SZT2: variants seen among roughly 807,000 people sequenced by gnomAD.
SZT2 encodes KICSTOR complex protein SZT2.
Under a neutral mutation model 404.2 loss-of-function variants are expected in SZT2, and 216 were observed. The observed-to-expected ratio is 0.53, with a 90% confidence interval of 0.48 to 0.60. The LOEUF (loss-of-function observed/expected upper bound fraction) is 0.60. Among genes scored for constraint, SZT2 ranks in the 20% least tolerant of loss-of-function variants. SZT2 has a pLI of 0.00. For synonymous variants in SZT2, 1,693 were observed against 1,749.9 expected (o/e 0.97, Z 0.81); for missense variants, 3,857 against 4,459.2 (o/e 0.86, Z 3.85).
Position 43,452,828 on chromosome 1 carries a change from CATCATCCCCTG to C in SZT2, c.*2352_*2362del. 1 of 1,471,900 alleles carries C rather than the reference CATCATCCCCTG, an allele frequency of 6.8e-7. No homozygotes were observed. Among genetic ancestry groups the C allele is most frequent in the Non-Finnish European group, 9.3e-7 (1 of 1,076,012 alleles). The allele number at this position is 1,471,900 out of a possible 1,614,324, so 91.2% of individuals were successfully genotyped here. On this transcript the variant is annotated 3_prime_UTR_variant, in exon 72 of 72. Coordinates refer to ENST00000634258, the MANE Select transcript of SZT2 (RefSeq NM_001365999.1). Reference sequence around the variant, plus strand: ...CCACTTTGAGCCGTCCACCTCCTCCCATCATCCCCTGATCTTAGCCACATCCAGCTCCAAGC... The same window carrying C: ...CCACTTTGAGCCGTCCACCTCCTCCCATCTTAGCCACATCCAGCTCCAAGC...
Position 43,437,548 on chromosome 1 carries a change from G to A in SZT2, c.6290+40G>A. 1 of 1,613,996 alleles carries A rather than the reference G, an allele frequency of 6.2e-7. No homozygotes were observed. The highest frequency in any genetic ancestry group is 1.1e-5 in the South Asian group (1 of 91,070). ...GAAGGTGGGTAGGGCATGAATTAAG[G>A]ATGGCCTGGGAGGAGGCATGTCCAA... On this transcript the variant is annotated intron_variant, in intron 44 of 71. Transcript: ENST00000634258. The surrounding 1 kb of genome is among the most constrained non-coding windows in gnomAD (Gnocchi z 5.3).
At position 43,448,732 on chromosome 1, in the gene SZT2, A is replaced by G. The variant is rs1656003925; in HGVS notation, c.10086+4A>G. The G allele has an allele frequency of 6.2e-7, 1 of 1,612,662 alleles. No individual in the cohort carries two copies. Among genetic ancestry groups the G allele is most frequent in the Non-Finnish European group, 8.5e-7 (1 of 1,178,668 alleles). ...AGACTTGGGAACTCAGTACCTGGTA[A>G]GTCCCCTTGAGCTTCCTCTGAAAAG... On this transcript the variant is annotated splice_donor_region_variant and intron_variant, in intron 70 of 71. Coordinates refer to ENST00000634258, the MANE Select transcript of SZT2 (RefSeq NM_001365999.1). This position sits in a 1 kb window ranked among gnomAD's most constrained non-coding sequence, Gnocchi z 4.2.
chr1:43,442,863 C>T lies in SZT2; in HGVS notation c.8196C>T (p.Leu2732=). The change falls in exon 59 of 72, where the codon CTC becomes CTT. Residue 2732 remains leucine (L), a synonymous_variant. Transcript: ENST00000634258. This position sits in a 1 kb window ranked among gnomAD's most constrained non-coding sequence, Gnocchi z 4.5. Reference sequence around the variant, plus strand: ...TGCCGACCATGGAAGTGGAGACCCTCATCCGGAGTGCAAGTCCCCCGCTGA... The same window carrying T: ...TGCCGACCATGGAAGTGGAGACCCTTATCCGGAGTGCAAGTCCCCCGCTGA... ...FLLPTMEVET[L]IRSASPPLSR... 1.9e-6 allele frequency: 3 copies of T among 1,612,756 alleles called. No homozygotes were observed. The highest frequency in any genetic ancestry group is 2.5e-6 in the Non-Finnish European group (3 of 1,179,294).
chr1:43,423,591 G>A (rs1251048790), intron 15 of SZT2, among the ~76,000 whole-genome samples: 2 of 150,900 alleles, frequency 1.3e-5, no homozygotes, highest in Admixed American at 1.3e-4. Context: ...GGCTTAGCGG[G>A]GTATGAGTGG....
intron 1 of SZT2, 87 bp downstream of exon 1, chr1:43,390,082 C>T: frequency 2.2e-6 from 3 of 1,335,662 alleles, no homozygotes; most frequent in Non-Finnish European, 2.9e-6. Flanking sequence ...TCCTCTAGGT[C>T]TGGGGGTGGC....
At position 43,424,340 on chromosome 1, in the gene SZT2, C is replaced by CTA; in HGVS notation, c.2380_2381dup (p.His795ThrfsTer137). On this transcript the variant is annotated frameshift_variant, in exon 16 of 72. Coordinates refer to ENST00000634258, the MANE Select transcript of SZT2 (RefSeq NM_001365999.1). LOFTEE classifies it high-confidence loss of function. This position sits in a 1 kb window ranked among gnomAD's most constrained non-coding sequence, Gnocchi z 4.1. ...GCCTGGCGTCACTGTCCCGCTACCTCTACCATCAGCGCTGGCTTTGGAGTG... is the reference window on the plus strand; with the variant it reads ...GCCTGGCGTCACTGTCCCGCTACCTCTATACCATCAGCGCTGGCTTTGGAGTG... 1 of 1,598,124 alleles carries CTA rather than the reference C, an allele frequency of 6.3e-7. No homozygotes were observed. The highest frequency in any genetic ancestry group is 1.1e-5 in the South Asian group (1 of 91,088).
In SZT2 at chr1:43,448,215, G is replaced by A. The variant is rs1276748561; in HGVS notation, c.9700G>A (p.Glu3234Lys). ...TGGGAGTTCAGCTGGCAGCCCTGGGGAGGCCTCAGGGCTTATTCTAGCGCC... is the reference window on the plus strand; with the variant it reads ...TGGGAGTTCAGCTGGCAGCCCTGGGAAGGCCTCAGGGCTTATTCTAGCGCC... The part of the protein sequence containing the change: ...APGSSAGSPG[E>K]ASGLILAPGP... The change falls in exon 69 of 72, where the codon GAG (glutamate) becomes AAG (lysine). Residue 3234 changes from glutamate (E) to lysine (K), a missense_variant. Glu to Lys is a moderately conservative substitution (Grantham distance 56, BLOSUM62 1). Transcript: ENST00000634258. This position sits in a 1 kb window ranked among gnomAD's most constrained non-coding sequence, Gnocchi z 4.2. The A allele has an allele frequency of 6.2e-7, 1 of 1,608,162 alleles. No individual in the cohort carries two copies. Among genetic ancestry groups the A allele is most frequent in the Non-Finnish European group, 8.5e-7 (1 of 1,177,368 alleles).
chr1:43,403,889 G>A, intron 3 of SZT2, 115 bp downstream of exon 3: 1 of 1,168,354 alleles, frequency 8.6e-7, no homozygotes, highest in Non-Finnish European at 1.2e-6. Flanking sequence ...AGAGAAGACA[G>A]GCTTATAAAG....
At position 43,448,647 on chromosome 1, in the gene SZT2, G is replaced by C. The variant is rs372210084; in HGVS notation, c.10005G>C (p.Gln3335His). The C allele has an allele frequency of 2.7e-5, 44 of 1,614,070 alleles. No individual in the cohort carries two copies. Among genetic ancestry groups the C allele is most frequent in the Non-Finnish European group, 3.7e-5 (44 of 1,180,034 alleles). The change falls in exon 70 of 72, where the codon CAG becomes CAC. Residue 3335 changes from glutamine to histidine, a missense_variant. Gln to His is a conservative substitution (Grantham distance 24, BLOSUM62 0). Around this residue, in one of 7 missense-constraint regions of SZT2, gnomAD observed 717 missense variants for 868.2 expected, o/e 0.83. Transcript: ENST00000634258. The surrounding 1 kb of genome is among the most constrained non-coding windows in gnomAD (Gnocchi z 4.2). Reference protein sequence around the residue: ...CFLSMTVSWYQSLIKVLLSRF... With the variant: ...CFLSMTVSWYHSLIKVLLSRF... ...TATCCATGACGGTCTCCTGGTACCA[G>C]AGCCTGATCAAAGTTCTCCTAAGCC...
Position 43,390,138 on chromosome 1 carries a change from G to A in SZT2, c.27+143G>A, listed in dbSNP as rs553384372. Reference sequence around the variant, plus strand: ...GGGACCAGCCCAGCCCGGAAGGCCCGACTATGGTACCCCTGCGGACTGTGT... The same window carrying A: ...GGGACCAGCCCAGCCCGGAAGGCCCAACTATGGTACCCCTGCGGACTGTGT... On this transcript the variant is annotated intron_variant, in intron 1 of 71. Transcript: ENST00000634258. The A allele has an allele frequency of 2.9e-5, 28 of 981,206 alleles. No homozygotes were observed. In the Middle Eastern group the frequency reaches 1.1e-3, roughly 37 times the overall value. The allele number at this position is 981,206 out of a possible 1,614,324, so 60.8% of individuals were successfully genotyped here. A position where few individuals can be genotyped will look rare whatever the true frequency, so the allele number is the denominator to read the frequency against.
Position 43,432,339 on chromosome 1 carries a change from T to G in SZT2, c.5342T>G (p.Val1781Gly). 6.2e-7 allele frequency: 1 copy of G among 1,606,546 alleles called. No homozygotes were observed. The highest frequency in any genetic ancestry group is 1.1e-5 in the South Asian group (1 of 89,932). The change falls in exon 37 of 72, where the codon GTG becomes GGG. Residue 1781 changes from valine to glycine, a missense_variant. Around this residue, in one of 7 missense-constraint regions of SZT2, gnomAD observed 1,725 missense variants for 1,881.0 expected, o/e 0.92. Transcript: ENST00000634258. ...LEDPDSGFFF[V>G]AAGQQPGGSH... ...GACCCTGACAGTGGCTTCTTCTTTG[T>G]GGCAGCTGGCCAACAGCCAGGTGGG...
chr1:43,439,938 T>C lies in SZT2; in HGVS notation c.7100T>C (p.Ile2367Thr), dbSNP rs760511256. 1 of 1,613,668 alleles carries C rather than the reference T, an allele frequency of 6.2e-7. No individual in the cohort carries two copies. Among genetic ancestry groups the C allele is most frequent in the Non-Finnish European group, 8.5e-7 (1 of 1,179,768 alleles). ...GTGTGGGAAAAGGGGAACATTAGTA[T>C]TGTGCAGCTGGAGGAGAAACTCCGA... is the stretch of plus-strand genomic sequence containing the variant. ...LDVWEKGNIS[I>T]VQLEEKLRGA... The change falls in exon 51 of 72, where the codon ATT becomes ACT. Residue 2367 changes from isoleucine to threonine, a missense_variant. Physicochemically the swap from Ile to Thr is moderately conservative, Grantham distance 89. Coordinates refer to ENST00000634258, the MANE Select transcript of SZT2 (RefSeq NM_001365999.1). The surrounding 1 kb of genome is among the most constrained non-coding windows in gnomAD (Gnocchi z 4.2).
Position 43,431,755 on chromosome 1 carries a change from C to G in SZT2, c.5128C>G (p.Arg1710Gly), listed in dbSNP as rs755084265. ...LLEDEMVGAL[R>G]RGGIPQSPAL... ...GGAAGATGAGATGGTGGGGGCACTCCGAAGAGGGGGCATCCCACAGAGTCC... is the reference window on the plus strand; with the variant it reads ...GGAAGATGAGATGGTGGGGGCACTCGGAAGAGGGGGCATCCCACAGAGTCC... The change falls in exon 36 of 72, where the codon CGA becomes GGA. Residue 1710 changes from arginine to glycine, a missense_variant. Physicochemically the swap from Arg to Gly is moderately radical, Grantham distance 125. Around this residue, in one of 7 missense-constraint regions of SZT2, gnomAD observed 1,725 missense variants for 1,881.0 expected, o/e 0.92. Coordinates refer to ENST00000634258, the MANE Select transcript of SZT2 (RefSeq NM_001365999.1). 3 of 1,614,196 alleles carry G rather than the reference C, an allele frequency of 1.9e-6. No individual in the cohort carries two copies. The highest frequency in any genetic ancestry group is 2.5e-6 in the Non-Finnish European group (3 of 1,180,040).
rs761150335 is a variant in SZT2, at chr1:43,427,208, C to G, written c.3433+29C>G. The G allele has an allele frequency of 8.7e-6, 14 of 1,611,288 alleles. No homozygotes were observed. The East Asian group carries it at 3.1e-4, about 36-fold the overall frequency. On this transcript the variant is annotated intron_variant, in intron 24 of 71. Coordinates refer to ENST00000634258, the MANE Select transcript of SZT2 (RefSeq NM_001365999.1). ...CCAGCTGCTGACCTCCTCACGAACC[C>G]CCTCAGATACAAACCCCTGAGCTCC...
In SZT2 at chr1:43,452,717, C is replaced by G. The variant is rs944604989; in HGVS notation, c.*2237C>G. The G allele has an allele frequency of 3.2e-6, 2 of 627,258 alleles. No homozygotes were observed. Among genetic ancestry groups the G allele is most frequent in the Non-Finnish European group, 5.6e-6 (2 of 354,960 alleles). 38.9% of individuals were successfully genotyped at this position (627,258 alleles called of 1,614,324 possible). ...TAGCCTTTTCCCATCTGTTTTCTGC[C>G]CCCACCATTGACCAGTAGTGATCCC... On this transcript the variant is annotated 3_prime_UTR_variant, in exon 72 of 72. Coordinates refer to ENST00000634258, the MANE Select transcript of SZT2 (RefSeq NM_001365999.1).
At chr1:43,404,336 G>C (rs540255054) in intron 3 of SZT2, 44 bp from the exon 4 acceptor site, 2 of 1,571,568 alleles carry the variant, frequency 1.3e-6, no homozygotes, top group African/African-American at 2.7e-5. Context: ...CCTCTGGTTA[G>C]GGCTGCCTTT....
rs1336571624 is a variant in SZT2 at position 43,422,890 on chromosome 1, T to TGG, written c.2037+9_2037+10dup. 1.3e-6 allele frequency: 2 copies of TGG among 1,573,892 alleles called. No homozygotes were observed. The highest frequency in any genetic ancestry group is 8.6e-7 in the Non-Finnish European group (1 of 1,167,156). On this transcript the variant is annotated splice_region_variant and intron_variant, in intron 14 of 71. Coordinates refer to ENST00000634258, the MANE Select transcript of SZT2 (RefSeq NM_001365999.1). Reference sequence around the variant, plus strand: ...AGCACCGGCCCGGCACAAGGTAAGCTGGGCCCTGACTGACTCTGACCAAGG... The same window carrying TGG: ...AGCACCGGCCCGGCACAAGGTAAGCTGGGGGCCCTGACTGACTCTGACCAAGG...
At chr1:43,422,655 A>ACCCCCCCCCCCCCCCTCCCCCCCCCC in intron 13 of SZT2, 23 bp downstream of exon 13, 1 of 1,095,026 alleles carries the variant, frequency 9.1e-7, no homozygotes. Flanking sequence ...ATGTCCCTTC[A>ACCCCCCCCCCCCCCCTCCCCCCCCCC]CCCCCCGCCC....
rs760528024 is a variant in SZT2, at chr1:43,403,223, G to A, written c.74G>A (p.Arg25Gln). Residue 25 changes from arginine to glutamine, a missense_variant, in exon 2 of 72, where the codon CGA (arginine) becomes CAA (glutamine). Arg to Gln is a conservative substitution (Grantham distance 43). Transcript: ENST00000634258. ...TTCCTGTTAATGAAAAAGGATTATC[G>A]AATCTCCCGAAATGTTCGCCTGGCT... The part of the protein sequence containing the change: ...QVFLLMKKDY[R>Q]ISRNVRLAWF... 6.2e-6 allele frequency: 10 copies of A among 1,614,102 alleles called. No homozygotes were observed. Among genetic ancestry groups the A allele is most frequent in the African/African-American group, 4.0e-5 (3 of 75,034 alleles).
Sources: allele counts gnomAD v4.1 joint callset (sites outside exome capture counted in the v4.1 genomes callset), GRCh38; gene constraint gnomAD v4.1.1; regional missense constraint gnomAD v4.1.1; non-coding constraint Gnocchi (gnomAD v3.1); transcripts MANE v1.5; gene names NCBI Gene and HGNC (gene_info 2026-07-23, HGNC 2026-07-21).